Variants in MTX2 observed in about 807,000 individuals in gnomAD.
MTX2 encodes the protein metaxin-2.
MTX2 carries 35 observed loss-of-function variants against 42.3 expected under a neutral mutation model. The observed-to-expected ratio is 0.83, with a 90% CI of 0.63 to 1.10. MTX2 has a LOEUF of 1.10. Among genes scored for constraint, MTX2 ranks in the 50% least tolerant of loss-of-function variants. The pLI is 0.00. For missense variants in MTX2, 307 were observed against 304.1 expected (o/e 1.01, Z -0.07); for synonymous variants, 119 against 100.9 (o/e 1.18, Z -1.08).
intron 3 of MTX2, among the ~76,000 whole-genome samples, chr2:176,322,986 G>C (rs1437250586): frequency 2.0e-5 from 3 of 151,696 alleles, no homozygotes; most frequent in African/African-American, 7.3e-5. Context: ...TCTAAAATGA[G>C]GAAGATGATG....
At chr2:176,274,418 T>C (rs373603155) in intron 1 of MTX2, among the ~76,000 whole-genome samples, 6 of 152,360 alleles carry the variant, frequency 3.9e-5, no homozygotes, top group South Asian at 2.1e-4. Context: ...AAAATGGTTA[T>C]GTAGTATTTC....
At position 176,328,259 on chromosome 2, in the gene MTX2, G is replaced by T. The variant is rs760067094; in HGVS notation, c.286-34G>T. 3.0e-6 allele frequency: 4 copies of T among 1,353,052 alleles called. No individual in the cohort carries two copies. The South Asian group carries it at 5.7e-5, about 19-fold the overall frequency. The allele number at this position is 1,353,052 out of a possible 1,614,324, so 83.8% of individuals were successfully genotyped here. On this transcript the variant is annotated intron_variant, in intron 5 of 9. Transcript: ENST00000249442. ...CTGAAAGTTTTTGTATATTTAATATGATGTTCTTTTAAATTTTTTTAAATT... is the reference window on the plus strand; with the variant it reads ...CTGAAAGTTTTTGTATATTTAATATTATGTTCTTTTAAATTTTTTTAAATT...
intron 1 of MTX2, among the ~76,000 whole-genome samples, chr2:176,277,494 C>G (rs1042045695): frequency 6.6e-6 from 1 of 152,196 alleles, no homozygotes; most frequent in African/African-American, 2.4e-5. Flanking sequence ...CCTCCGCCTC[C>G]TGGGTTCAAG....
intron 1 of MTX2, 109 bp downstream of exon 1, chr2:176,269,778 C>T (rs962264350): frequency 2.3e-6 from 3 of 1,309,996 alleles, no homozygotes; most frequent in Non-Finnish European, 3.0e-6. Flanking sequence ...ACGCTGAACC[C>T]GGCCCGGATG....
At chr2:176,311,761 G>A (rs1233300163) in intron 3 of MTX2, among the ~76,000 whole-genome samples, 1 of 152,230 alleles carries the variant, frequency 6.6e-6, no homozygotes, top group Admixed American at 6.5e-5. Context: ...CATGGGAAGA[G>A]CACAGTATTT....
At chr2:176,288,510 T>G (rs1458207804) in intron 1 of MTX2, among the ~76,000 whole-genome samples, 2 of 151,814 alleles carry the variant, frequency 1.3e-5, no homozygotes, top group African/African-American at 4.8e-5. Flanking sequence ...CATCCAAATT[T>G]GGAGATAGGC....
At chr2:176,280,379 C>T (rs1012707014) in intron 1 of MTX2, among the ~76,000 whole-genome samples, 8 of 152,154 alleles carry the variant, frequency 5.3e-5, no homozygotes, top group Admixed American at 1.3e-4. Context: ...TCAGATGAGT[C>T]AACATTTTGT....
Position 176,269,501 on chromosome 2 carries a change from G to A in MTX2, c.-129G>A, listed in dbSNP as rs1692740721. 9.7e-7 allele frequency: 1 copy of A among 1,031,694 alleles called. No individual in the cohort carries two copies. Among genetic ancestry groups the A allele is most frequent in the East Asian group, 3.1e-5 (1 of 32,666 alleles). The allele number at this position is 1,031,694 out of a possible 1,614,324, so 63.9% of individuals were successfully genotyped here. A position where few individuals can be genotyped will look rare whatever the true frequency, so the allele number is the denominator to read the frequency against. ...CTCACTGCAGCCGCCGCTGCTGTTGGAGTGGGCTTTGCGAGTCTGAACGTT... is the reference window on the plus strand; with the variant it reads ...CTCACTGCAGCCGCCGCTGCTGTTGAAGTGGGCTTTGCGAGTCTGAACGTT... On this transcript the variant is annotated 5_prime_UTR_variant, in exon 1 of 10. Coordinates refer to ENST00000249442, the MANE Select transcript of MTX2 (RefSeq NM_006554.5).
At chr2:176,336,709 C>T (rs772861246) in intron 9 of MTX2, among the ~76,000 whole-genome samples, 1 of 152,010 alleles carries the variant, frequency 6.6e-6, no homozygotes, top group Non-Finnish European at 1.5e-5. Context: ...AATGTTGTTA[C>T]TAAAGAAAGC....
chr2:176,276,864 C>A (rs1438671601), intron 1 of MTX2, among the ~76,000 whole-genome samples: 1 of 152,068 alleles, frequency 6.6e-6, no homozygotes, highest in African/African-American at 2.4e-5. Context: ...TTTCATCATA[C>A]TATAATTTAT....
intron 3 of MTX2, among the ~76,000 whole-genome samples, chr2:176,314,386 G>A (rs992243145): frequency 2.6e-5 from 4 of 151,276 alleles, no homozygotes; most frequent in Non-Finnish European, 4.4e-5. Context: ...ATGGTGAGTC[G>A]AGATTGCACT....
chr2:176,289,133 T>G (rs2105405988), intron 1 of MTX2, among the ~76,000 whole-genome samples: 1 of 152,234 alleles, frequency 6.6e-6, no homozygotes, highest in East Asian at 1.9e-4. Flanking sequence ...TTGTATTGGT[T>G]GATAAAGCTT....
chr2:176,272,788 G>A (rs1692854977), intron 1 of MTX2, among the ~76,000 whole-genome samples: 1 of 152,146 alleles, frequency 6.6e-6, no homozygotes, highest in Non-Finnish European at 1.5e-5. Flanking sequence ...TGTTGGTAGA[G>A]GGTGGAGGAA....
At chr2:176,335,422 C>G (rs1684966121) in intron 9 of MTX2, among the ~76,000 whole-genome samples, 1 of 151,888 alleles carries the variant, frequency 6.6e-6, no homozygotes. Flanking sequence ...GAACAGAAAT[C>G]CATTAGAATA....
At chr2:176,301,019 A>G (rs888890608) in intron 3 of MTX2, among the ~76,000 whole-genome samples, 2 of 152,126 alleles carry the variant, frequency 1.3e-5, no homozygotes, top group African/African-American at 2.4e-5. Flanking sequence ...ATTGAAAACA[A>G]ATGTTATGTG....
chr2:176,298,015 G>A lies in MTX2; in HGVS notation c.135+120G>A, dbSNP rs958993934. On this transcript the variant is annotated intron_variant, in intron 3 of 9. Coordinates refer to ENST00000249442, the MANE Select transcript of MTX2 (RefSeq NM_006554.5). ...ATACTATATGTTTAGATTTTTTTCT[G>A]TGTGATTTACCATTATCTATATAAC... 37 of 563,166 alleles carry A rather than the reference G, an allele frequency of 6.6e-5. 1 individual carries two copies. Among genetic ancestry groups the A allele is most frequent in the Non-Finnish European group, 1.0e-4 (35 of 348,988 alleles). 34.9% of individuals were successfully genotyped at this position (563,166 alleles called of 1,614,324 possible).
intron 3 of MTX2, chr2:176,304,251 C>A (rs1368033764): frequency 6.5e-6 from 1 of 154,336 alleles, no homozygotes; most frequent in African/African-American, 2.4e-5. Flanking sequence ...TGAATCTATT[C>A]TTTGAACATT....
Sources: gnomAD v4.1 joint callset for allele counts (sites outside exome capture counted in the v4.1 genomes callset) on GRCh38, gnomAD v4.1.1 for gene constraint, MANE v1.5 for transcripts, NCBI Gene and HGNC (gene_info 2026-07-23, HGNC 2026-07-21) for gene names.